SLC45A2: variants seen among roughly 807,000 people sequenced by gnomAD.
SLC45A2 encodes the protein membrane-associated transporter protein.
In SLC45A2, 36 loss-of-function variants were observed where a neutral mutation model predicts 45.5. The observed-to-expected ratio is 0.79, with a 90% CI of 0.61 to 1.04. The LOEUF (loss-of-function observed/expected upper bound fraction) is 1.04, where lower values mean the gene tolerates loss of function less well. Among genes scored for constraint, SLC45A2 ranks in the 50% least tolerant of loss-of-function variants. The probability of loss-of-function intolerance (pLI) is 0.00; values close to 1 mark genes in which losing one functional copy is unlikely to be tolerated. For synonymous variants in SLC45A2, 306 were observed against 269.3 expected, an observed-to-expected ratio of 1.14 and a Z score of -1.33; for missense variants, 719 against 671.0, an observed-to-expected ratio of 1.07 and a Z score of -0.79.
chr5:33,953,469 G>A (rs1188749192), intron 4 of SLC45A2, among the ~76,000 whole-genome samples: 1 of 151,654 alleles, frequency 6.6e-6, no homozygotes, highest in African/African-American at 2.4e-5. Flanking sequence ...TTCTTCATGT[G>A]TTTTTTGGCT....
intron 3 of SLC45A2, among the ~76,000 whole-genome samples, chr5:33,960,799 G>A (rs1454450280): frequency 3.3e-5 from 5 of 152,076 alleles, no homozygotes; most frequent in African/African-American, 4.8e-5. Flanking sequence ...TAGAAAAACT[G>A]GTGAAATTCA....
At chr5:33,948,470 A>C (rs1472817096) in intron 5 of SLC45A2, among the ~76,000 whole-genome samples, 6 of 152,234 alleles carry the variant, frequency 3.9e-5, no homozygotes, top group African/African-American at 1.4e-4. Context: ...GACTATTAAG[A>C]ATGACATTTT....
intron 2 of SLC45A2, among the ~76,000 whole-genome samples, chr5:33,981,589 T>G (rs761416481): frequency 1.3e-5 from 2 of 152,160 alleles, no homozygotes; most frequent in Admixed American, 1.3e-4. Flanking sequence ...CTCTAAACAA[T>G]TGACCAACAG....
intron 3 of SLC45A2, among the ~76,000 whole-genome samples, chr5:33,959,781 T>C (rs1215991787): frequency 6.6e-6 from 1 of 152,122 alleles, no homozygotes; most frequent in Non-Finnish European, 1.5e-5. Context: ...ATTTTGCCAA[T>C]TCAAACATGA....
chr5:33,967,559 G>A (rs1752635021), intron 2 of SLC45A2, among the ~76,000 whole-genome samples: 1 of 152,240 alleles, frequency 6.6e-6, no homozygotes, highest in East Asian at 1.9e-4. Flanking sequence ...TTGAGAAATG[G>A]TACTTTGTTG....
At chr5:33,952,442 A>G (rs1365889881) in intron 4 of SLC45A2, among the ~76,000 whole-genome samples, 2 of 151,484 alleles carry the variant, frequency 1.3e-5, no homozygotes, top group Admixed American at 1.3e-4. Context: ...CTCAATTATG[A>G]GTGATGCATT....
intron 1 of SLC45A2, 66 bp downstream of exon 1, chr5:33,984,130 ATCC>A: frequency 1.3e-6 from 2 of 1,599,790 alleles, no homozygotes; most frequent in Non-Finnish European, 8.5e-7. Context: ...ACACATGAAC[ATCC>A]TCCTCCTGCA....
In SLC45A2 at chr5:33,965,419, G is replaced by A. The variant is rs1345763757; in HGVS notation, c.563-1403C>T. On this transcript the variant is annotated intron_variant, in intron 2 of 6. Coordinates refer to ENST00000296589, the MANE Select transcript of SLC45A2 (RefSeq NM_016180.5). ...TTTAACATAGAGCCTATTTAAGGAGGACCAACAATCTAATCATTGGATTCC... is the reference window on the plus strand; with the variant it reads ...TTTAACATAGAGCCTATTTAAGGAGAACCAACAATCTAATCATTGGATTCC... Among the ~76,000 whole-genome samples, 5 of 152,188 alleles carry A rather than the reference G, an allele frequency of 3.3e-5. No individual in the cohort carries two copies. The East Asian group carries it at 7.7e-4, about 23-fold the overall frequency.
At chr5:33,949,705 T>G (rs1333759302) in intron 5 of SLC45A2, among the ~76,000 whole-genome samples, 1 of 152,182 alleles carries the variant, frequency 6.6e-6, no homozygotes, top group Non-Finnish European at 1.5e-5. Context: ...TTAATAAAAC[T>G]TTGGAAAACT....
intron 2 of SLC45A2, chr5:33,971,985 A>G (rs1292832581): frequency 1.5e-5 from 7 of 452,698 alleles, no homozygotes; most frequent in Non-Finnish European, 4.4e-6. Flanking sequence ...GCCCAGGTCC[A>G]CCTGCCTTGG....
intron 3 of SLC45A2, among the ~76,000 whole-genome samples, chr5:33,955,338 C>G (rs114573901): frequency 6.6e-6 from 1 of 152,238 alleles, no homozygotes; most frequent in Non-Finnish European, 1.5e-5. Context: ...GATGAGAATA[C>G]AGCTCTGCTA....
At chr5:33,973,984 G>A (rs966585530) in intron 2 of SLC45A2, among the ~76,000 whole-genome samples, 11 of 152,222 alleles carry the variant, frequency 7.2e-5, no homozygotes, top group East Asian at 5.8e-4. Context: ...GAACAGGGCT[G>A]GCCTTTCCTG....
At chr5:33,950,734 CCAAAG>C (rs1440358790) in intron 5 of SLC45A2, among the ~76,000 whole-genome samples, 1 of 152,200 alleles carries the variant, frequency 6.6e-6, no homozygotes, top group Non-Finnish European at 1.5e-5. Flanking sequence ...CTGGACCTGT[CCAAAG>C]CCCAGAGCCC....
intron 3 of SLC45A2, among the ~76,000 whole-genome samples, chr5:33,959,568 T>C (rs1022861735): frequency 2.6e-5 from 4 of 152,158 alleles, no homozygotes; most frequent in East Asian, 3.9e-4. Context: ...TAGTTCCTCG[T>C]TGCACTCTTA....
chr5:33,946,834 G>A, intron 6 of SLC45A2: 1 of 1,294,114 alleles, frequency 7.7e-7, no homozygotes. Context: ...GAAGACCTGG[G>A]TCCCCCTTTT....
chr5:33,951,638 T>C lies in SLC45A2; in HGVS notation c.1072A>G (p.Thr358Ala), dbSNP rs1438765408. ...CCTCTTTCGTAGATGAGAAACTCTG[T>C]GGAGTTGTGTGCACTATAGGGATCC... ...RGDPYSAHNSTEFLIYERGVE... is the reference protein window; with the variant it reads ...RGDPYSAHNSAEFLIYERGVE... The change falls in exon 5 of 7, where the codon ACA becomes GCA. Residue 358 changes from threonine to alanine, a missense_variant. Coordinates refer to ENST00000296589, the MANE Select transcript of SLC45A2 (RefSeq NM_016180.5). 5 of 1,614,066 alleles carry C rather than the reference T, an allele frequency of 3.1e-6. No homozygotes were observed. In the African/African-American group the frequency reaches 6.7e-5, roughly 22 times the overall value.
At chr5:33,944,955 A>G in intron 6 of SLC45A2, 83 bp from the exon 7 acceptor site, 1 of 1,295,982 alleles carries the variant, frequency 7.7e-7, no homozygotes, top group Non-Finnish European at 1.1e-6. Flanking sequence ...TTCTGTGACC[A>G]GCCAGATAGT....
At chr5:33,962,334 T>G (rs573228359) in intron 3 of SLC45A2, among the ~76,000 whole-genome samples, 10 of 152,346 alleles carry the variant, frequency 6.6e-5, no homozygotes, top group Admixed American at 3.3e-4. Context: ...AAATGAATAA[T>G]GATTATAATG....
chr5:33,975,340 G>A (rs1028067989), intron 2 of SLC45A2, among the ~76,000 whole-genome samples: 1 of 152,206 alleles, frequency 6.6e-6, no homozygotes, highest in Non-Finnish European at 1.5e-5. Context: ...TAACAGCAAG[G>A]CAATGAATTA....
Sources: gnomAD v4.1 joint callset for allele counts (sites outside exome capture counted in the v4.1 genomes callset) on GRCh38, gnomAD v4.1.1 for gene constraint, MANE v1.5 for transcripts, NCBI Gene and HGNC (gene_info 2026-07-23, HGNC 2026-07-21) for gene names.